The following GTF2F2 variants were observed in gnomAD, a reference collection of about 807,000 sequenced individuals.
GTF2F2 encodes the protein general transcription factor IIF subunit 2, also known as ATP-dependent helicase GTF2F2.
In GTF2F2, 23 loss-of-function variants were observed where a neutral mutation model predicts 42.2. The ratio of observed to expected loss-of-function variants is 0.55; its 90% CI spans 0.39 to 0.77. The LOEUF (loss-of-function observed/expected upper bound fraction) is 0.77, where lower values mean the gene tolerates loss of function less well. GTF2F2 is among the 30% of genes least tolerant of loss of function. GTF2F2 has a pLI of 0.00. For synonymous variants in GTF2F2, 105 were observed against 100.8 expected (o/e 1.04, Z -0.25); for missense variants, 261 against 287.2 (o/e 0.91, Z 0.66).
chr13:45,147,402 G>A (rs2138114448), intron 2 of GTF2F2, among the ~76,000 whole-genome samples: 1 of 152,220 alleles, frequency 6.6e-6, no homozygotes, highest in African/African-American at 2.4e-5. Flanking sequence ...TAAACAGGTA[G>A]CTAAATTAAA....
intron 5 of GTF2F2, among the ~76,000 whole-genome samples, chr13:45,226,404 T>G (rs1397589055): frequency 6.6e-6 from 1 of 152,176 alleles, no homozygotes; most frequent in Non-Finnish European, 1.5e-5. Flanking sequence ...AATCCTTTCC[T>G]TCAGAGGTTT....
chr13:45,207,548 T>C (rs773049620), intron 5 of GTF2F2, 43 bp downstream of exon 5: 3 of 1,190,788 alleles, frequency 2.5e-6, no homozygotes, highest in East Asian at 4.7e-5. Flanking sequence ...ATATTTCCCT[T>C]TGGGGATTGA....
intron 2 of GTF2F2, among the ~76,000 whole-genome samples, chr13:45,146,549 T>C (rs529690078): frequency 5.3e-5 from 8 of 152,238 alleles, no homozygotes; most frequent in Admixed American, 6.5e-5. Context: ...AATAATGATA[T>C]TGTTTTATTA....
At chr13:45,132,157 A>G (rs761776852) in intron 1 of GTF2F2, among the ~76,000 whole-genome samples, 1 of 152,198 alleles carries the variant, frequency 6.6e-6, no homozygotes, top group Non-Finnish European at 1.5e-5. Context: ...TATATAACCT[A>G]TTACCATGGG....
chr13:45,254,531 C>T (rs141873753), intron 6 of GTF2F2, among the ~76,000 whole-genome samples: 3 of 152,124 alleles, frequency 2.0e-5, no homozygotes, highest in Non-Finnish European at 4.4e-5. Context: ...AATCTTCATA[C>T]CAACCCTATG....
At chr13:45,137,035 A>T (rs565237223) in intron 2 of GTF2F2, among the ~76,000 whole-genome samples, 29 of 152,292 alleles carry the variant, frequency 1.9e-4, no homozygotes, top group African/African-American at 6.3e-4. Context: ...TAAATATAAT[A>T]TCAAGTTTAT....
At chr13:45,242,352 T>C (rs1483197320) in intron 5 of GTF2F2, among the ~76,000 whole-genome samples, 1 of 151,498 alleles carries the variant, frequency 6.6e-6, no homozygotes, top group Non-Finnish European at 1.5e-5. Flanking sequence ...CTCTTCCTGC[T>C]TCTTGCTGTG....
chr13:45,283,508 T>C lies in GTF2F2; in HGVS notation c.697T>C (p.Trp233Arg). ...QNVKGIHKNT[W>R]ELKPEYRHYQ... ...TGTAAAAGGGATCCACAAAAACACATGGGAGCTGAAGCCAGAGTACAGACA... is the reference window on the plus strand; with the variant it reads ...TGTAAAAGGGATCCACAAAAACACACGGGAGCTGAAGCCAGAGTACAGACA... The change falls in exon 8 of 8, where the codon TGG becomes CGG. Residue 233 changes from tryptophan to arginine, a missense_variant. Transcript: ENST00000340473. 1.9e-6 allele frequency: 3 copies of C among 1,612,798 alleles called. No individual in the cohort carries two copies. The highest frequency in any genetic ancestry group is 1.1e-5 in the South Asian group (1 of 91,026).
chr13:45,162,347 T>C (rs1436236596), intron 4 of GTF2F2, among the ~76,000 whole-genome samples: 1 of 152,208 alleles, frequency 6.6e-6, no homozygotes, highest in Non-Finnish European at 1.5e-5. Flanking sequence ...GTAAGGAAGC[T>C]CTGTTTTTTG....
chr13:45,272,905 C>G (rs1284368022), intron 7 of GTF2F2, among the ~76,000 whole-genome samples: 4 of 150,174 alleles, frequency 2.7e-5, no homozygotes, highest in Admixed American at 6.6e-5. Flanking sequence ...ACAGGCATGC[C>G]CCACCACACC....
intron 3 of GTF2F2, 126 bp from the exon 4 acceptor site, chr13:45,151,561 T>TA (rs1870492539): frequency 3.4e-6 from 2 of 582,902 alleles, no homozygotes; most frequent in Admixed American, 3.5e-5. Flanking sequence ...AAGGAGTTTT[T>TA]AATAAAGTGT....
chr13:45,190,644 T>C (rs1280337142), intron 4 of GTF2F2, among the ~76,000 whole-genome samples: 5 of 152,242 alleles, frequency 3.3e-5, no homozygotes, highest in African/African-American at 1.2e-4. Context: ...TGTATGTTCC[T>C]AGCATGGTAT....
At position 45,127,938 on chromosome 13, in the gene GTF2F2, C is replaced by CTTTTTTTTT. The variant is rs1161627204; in HGVS notation, c.66+7240_66+7248dup. ...GAGCCACTGTGCCTGGCACCCCGGC[C>CTTTTTTTTT]TTTTTTTTTTTTTTTTTTTTTTTTT... On this transcript the variant is annotated intron_variant, in intron 1 of 7. Coordinates refer to ENST00000340473, the MANE Select transcript of GTF2F2 (RefSeq NM_004128.3). Among the ~76,000 whole-genome samples the CTTTTTTTTT allele has an allele frequency of 3.4e-3, 165 of 48,606 alleles. 7 individuals are homozygous for CTTTTTTTTT. The highest frequency in any genetic ancestry group is 4.1e-3 in the Non-Finnish European group (108 of 26,520). 31.9% of individuals were successfully genotyped at this position (48,606 alleles called of 152,430 possible).
chr13:45,181,326 AC>A (rs1422638970), intron 4 of GTF2F2, among the ~76,000 whole-genome samples: 7 of 151,976 alleles, frequency 4.6e-5, no homozygotes, highest in Non-Finnish European at 8.8e-5. Flanking sequence ...AACTAGTGGC[AC>A]CTTGAAATAT....
chr13:45,235,676 G>T (rs1346403336), intron 5 of GTF2F2, among the ~76,000 whole-genome samples: 10 of 151,514 alleles, frequency 6.6e-5, no homozygotes, highest in African/African-American at 4.9e-5. Context: ...TGCAATTTCC[G>T]CCTCCCAGGT....
chr13:45,125,940 G>C (rs1046531663), intron 1 of GTF2F2, among the ~76,000 whole-genome samples: 1 of 152,178 alleles, frequency 6.6e-6, no homozygotes, highest in African/African-American at 2.4e-5. Flanking sequence ...TCCTGTCCCA[G>C]CCAGTCAGTG....
chr13:45,122,627 T>C (rs538605667), intron 1 of GTF2F2, among the ~76,000 whole-genome samples: 18 of 151,884 alleles, frequency 1.2e-4, no homozygotes, highest in African/African-American at 3.9e-4. Context: ...GAGCAAAAAT[T>C]CCTTCTCAAA....
At chr13:45,190,854 G>T (rs1872586899) in intron 4 of GTF2F2, among the ~76,000 whole-genome samples, 2 of 150,316 alleles carry the variant, frequency 1.3e-5, no homozygotes, top group South Asian at 2.1e-4. Context: ...CAGTTAAAGC[G>T]ATCCTCTCGC....
intron 7 of GTF2F2, among the ~76,000 whole-genome samples, chr13:45,270,434 G>A (rs1034744671): frequency 6.6e-5 from 10 of 152,264 alleles, no homozygotes; most frequent in Non-Finnish European, 1.0e-4. Flanking sequence ...AAAGGGCCAC[G>A]TCTGGTAAGA....
Sources: gnomAD v4.1 joint callset for allele counts (sites outside exome capture counted in the v4.1 genomes callset) on GRCh38, gnomAD v4.1.1 for gene constraint, MANE v1.5 for transcripts, NCBI Gene and HGNC (gene_info 2026-07-23, HGNC 2026-07-21) for gene names.